The following UGT1A8 variants were observed in gnomAD, a reference collection of about 807,000 sequenced individuals.
The protein encoded by UGT1A8 is UDP-glucuronosyltransferase 1A8.
In UGT1A8, 39 loss-of-function variants were observed where a neutral mutation model predicts 45.3. The observed-to-expected ratio is 0.86, with a 90% CI of 0.67 to 1.12. The LOEUF is 1.12. Among genes scored for constraint, UGT1A8 ranks in the 50% most tolerant of loss-of-function variants. The pLI, the probability that UGT1A8 is intolerant of heterozygous loss-of-function variation, is 0.00. For synonymous variants in UGT1A8, 275 were observed against 249.2 expected, an observed-to-expected ratio of 1.10 and a Z score of -0.97; for missense variants, 719 against 664.9, an observed-to-expected ratio of 1.08 and a Z score of -0.90.
At chr2:233,656,570 C>T (rs2073858194) in intron 1 of UGT1A8, among the ~76,000 whole-genome samples, 2 of 152,188 alleles carry the variant, frequency 1.3e-5, no homozygotes, top group Non-Finnish European at 2.9e-5. Context: ...CATGACTCAA[C>T]TCTTGCCTGG....
intron 1 of UGT1A8, among the ~76,000 whole-genome samples, chr2:233,719,884 G>A (rs2076812512): frequency 6.6e-6 from 1 of 152,164 alleles, no homozygotes; most frequent in South Asian, 2.1e-4. Flanking sequence ...AGGCACGGAT[G>A]AGGGTCTGTC....
chr2:233,627,330 A>G (rs911718955), intron 1 of UGT1A8, among the ~76,000 whole-genome samples: 1 of 151,846 alleles, frequency 6.6e-6, no homozygotes, highest in African/African-American at 2.4e-5. Flanking sequence ...TATCTTGACA[A>G]TTTTAAAGCT....
rs1699582839 is a variant in UGT1A8, at chr2:233,768,178, C to CA, written c.1076-41dup. On this transcript the variant is annotated intron_variant, in intron 3 of 4. Transcript: ENST00000373450. ...CCTAGATGTGTCCAGCTGTGAAACTCAGAGATGTAACTGCTGACATCCTCC... is the reference window on the plus strand; with the variant it reads ...CCTAGATGTGTCCAGCTGTGAAACTCAAGAGATGTAACTGCTGACATCCTCC... 5.6e-6 allele frequency: 9 copies of CA among 1,613,764 alleles called. No individual in the cohort carries two copies. In the Admixed American group the frequency reaches 8.3e-5, roughly 15 times the overall value.
At chr2:233,712,535 T>C (rs1193833371) in intron 1 of UGT1A8, among the ~76,000 whole-genome samples, 1 of 152,206 alleles carries the variant, frequency 6.6e-6, no homozygotes, top group African/African-American at 2.4e-5. Context: ...GTTACCCATA[T>C]GTGGGAAGAA....
intron 1 of UGT1A8, among the ~76,000 whole-genome samples, chr2:233,657,707 G>A (rs932481840): frequency 2.0e-5 from 3 of 152,062 alleles, no homozygotes; most frequent in African/African-American, 7.2e-5. Context: ...ATTCTAATGG[G>A]TATGTAAATT....
chr2:233,761,574 C>T (rs1697805225), intron 1 of UGT1A8, among the ~76,000 whole-genome samples: 1 of 152,176 alleles, frequency 6.6e-6, no homozygotes, highest in Admixed American at 6.5e-5. Flanking sequence ...TGAAAGTTGC[C>T]TTTGTGACCC....
chr2:233,753,266 G>A (rs1351102535), intron 1 of UGT1A8: 2 of 152,220 alleles, frequency 1.3e-5, no homozygotes, highest in South Asian at 2.1e-4. Flanking sequence ...CAGGCACCTT[G>A]GAGCATGTTG....
At chr2:233,719,099 G>A (rs769526366) in intron 1 of UGT1A8, 39 of 1,614,126 alleles carry the variant, frequency 2.4e-5, no homozygotes, top group African/African-American at 2.0e-4. Flanking sequence ...ATCGCGTTAC[G>A]CTGGGCTACA....
intron 1 of UGT1A8, chr2:233,748,094 C>T: frequency 6.2e-7 from 1 of 1,612,860 alleles, no homozygotes; most frequent in Non-Finnish European, 8.5e-7. Flanking sequence ...GTGTTCGTGC[C>T]TTCATCCAAT....
intron 1 of UGT1A8, among the ~76,000 whole-genome samples, chr2:233,700,974 A>G (rs1575470189): frequency 6.6e-6 from 1 of 150,696 alleles, no homozygotes; most frequent in African/African-American, 2.4e-5. Flanking sequence ...GCGGTGTTTG[A>G]TTTTTTGTCC....
At chr2:233,620,066 G>A (rs566970108) in intron 1 of UGT1A8, among the ~76,000 whole-genome samples, 3 of 152,212 alleles carry the variant, frequency 2.0e-5, no homozygotes, top group African/African-American at 7.2e-5. Context: ...ATACATTTTT[G>A]TCTATTGTTC....
chr2:233,707,771 T>A (rs1389608234), intron 1 of UGT1A8, among the ~76,000 whole-genome samples: 1 of 152,230 alleles, frequency 6.6e-6, no homozygotes, highest in African/African-American at 2.4e-5. Context: ...AGTGGGTTTT[T>A]AGAGTATATA....
At chr2:233,657,109 G>A (rs143025039) in intron 1 of UGT1A8, among the ~76,000 whole-genome samples, 95 of 152,170 alleles carry the variant, frequency 6.2e-4, no homozygotes, top group African/African-American at 1.9e-3. Flanking sequence ...ACAATACACC[G>A]TCTCTTTGGC....
At chr2:233,746,151 A>C (rs1346587402) in intron 1 of UGT1A8, among the ~76,000 whole-genome samples, 1 of 151,886 alleles carries the variant, frequency 6.6e-6, no homozygotes, top group Non-Finnish European at 1.5e-5. Context: ...TGATAGCATG[A>C]TTCCAAAGCC....
At chr2:233,678,916 G>T (rs190538655) in intron 1 of UGT1A8, among the ~76,000 whole-genome samples, 2,507 of 152,222 alleles carry the variant, frequency 0.016, 85 homozygotes, top group African/African-American at 0.057. Flanking sequence ...GTGAAGTCAT[G>T]TGCAACATCT....
intron 1 of UGT1A8, among the ~76,000 whole-genome samples, chr2:233,649,624 A>G (rs367844844): frequency 2.6e-5 from 4 of 152,216 alleles, no homozygotes; most frequent in African/African-American, 9.6e-5. Flanking sequence ...CAGATTTGAC[A>G]TGTTCTTTTA....
chr2:233,747,207 T>A, intron 1 of UGT1A8: 1 of 1,605,232 alleles, frequency 6.2e-7, no homozygotes, highest in Non-Finnish European at 8.5e-7. Context: ...CCGTGTCTTC[T>A]GCTGAGATGG....
chr2:233,682,573 G>A (rs779317114), intron 1 of UGT1A8: 1 of 1,613,908 alleles, frequency 6.2e-7, no homozygotes, highest in Non-Finnish European at 8.5e-7. Context: ...ACCACATCAT[G>A]CACTTGGAGG....
intron 1 of UGT1A8, among the ~76,000 whole-genome samples, chr2:233,764,316 C>G (rs1044416342): frequency 6.6e-6 from 1 of 152,124 alleles, no homozygotes; most frequent in Non-Finnish European, 1.5e-5. Context: ...TTAAGGGAAG[C>G]TTTGCCAAGT....
Sources: allele counts gnomAD v4.1 joint callset (sites outside exome capture counted in the v4.1 genomes callset), GRCh38; gene constraint gnomAD v4.1.1; transcripts MANE v1.5; gene names NCBI Gene and HGNC (gene_info 2026-07-23, HGNC 2026-07-21).